CSMD3: variants seen among roughly 807,000 people sequenced by gnomAD.
The protein encoded by CSMD3 is CUB and sushi domain-containing protein 3.
In CSMD3, 177 loss-of-function variants were observed where a neutral mutation model predicts 435.2. The observed-to-expected ratio is 0.41, with a 90% CI of 0.36 to 0.46. CSMD3 has a LOEUF of 0.46. CSMD3 is among the 20% of genes least tolerant of loss of function. The pLI is 0.34. For synonymous variants in CSMD3, 1,656 were observed against 1,520.5 expected (o/e 1.09, Z -2.07); for missense variants, 4,265 against 4,504.6 (o/e 0.95, Z 1.52).
In CSMD3 at chr8:113,288,763, GA is replaced by G. The variant is rs201478440; in HGVS notation, c.402-10060del. 6.6e-5 allele frequency among the ~76,000 whole-genome samples: 10 copies of G among 150,650 alleles called. No homozygotes were observed. In the East Asian group the frequency reaches 1.6e-3, roughly 23 times the overall value. ...AGCTTGTATTTTAGAGTATACAATT[GA>G]AAAAAAAATTCATTCTGCTGCTTAT... On this transcript the variant is annotated intron_variant, in intron 2 of 70. Coordinates refer to ENST00000297405, the MANE Select transcript of CSMD3 (RefSeq NM_198123.2).
intron 4 of CSMD3, among the ~76,000 whole-genome samples, chr8:113,117,366 G>A (rs897867616): frequency 2.0e-5 from 3 of 152,176 alleles, no homozygotes; most frequent in South Asian, 4.1e-4. Context: ...GAGCCTGAGG[G>A]TACACAGAAG....
Position 112,782,990 on chromosome 8 carries a change from A to C in CSMD3, c.1972+17172T>G, listed in dbSNP as rs545109372. Among the ~76,000 whole-genome samples the C allele has an allele frequency of 2.6e-5, 4 of 152,194 alleles. No individual in the cohort carries two copies. The South Asian group carries it at 8.3e-4, about 32-fold the overall frequency. ...AAAAAAATGTTAATAAGTGATAAGC[A>C]TTTATATAAAGGTAAGACATTCACT... On this transcript the variant is annotated intron_variant, in intron 13 of 70. Coordinates refer to ENST00000297405, the MANE Select transcript of CSMD3 (RefSeq NM_198123.2).
At chr8:113,318,094 T>C (rs1430817405) in intron 1 of CSMD3, among the ~76,000 whole-genome samples, 1 of 152,176 alleles carries the variant, frequency 6.6e-6, no homozygotes, top group Non-Finnish European at 1.5e-5. Flanking sequence ...AGGGCATATA[T>C]CCTTGTGCAC....
intron 10 of CSMD3, among the ~76,000 whole-genome samples, chr8:112,888,002 C>G (rs529987998): frequency 1.3e-5 from 2 of 151,768 alleles, no homozygotes; most frequent in South Asian, 4.1e-4. Flanking sequence ...ATTTCCCCTA[C>G]GTACATATAT....
At chr8:113,127,996 G>C (rs2091183427) in intron 4 of CSMD3, among the ~76,000 whole-genome samples, 2 of 152,056 alleles carry the variant, frequency 1.3e-5, no homozygotes. Flanking sequence ...CATTGGGAAA[G>C]TTCTCTATTA....
chr8:112,667,248 C>G (rs1168772290), intron 16 of CSMD3, among the ~76,000 whole-genome samples: 2 of 152,110 alleles, frequency 1.3e-5, no homozygotes, highest in Non-Finnish European at 2.9e-5. Flanking sequence ...TTTTGCAAAA[C>G]AAAGCCTTAG....
chr8:113,413,776 GT>G (rs1417802958), intron 1 of CSMD3, among the ~76,000 whole-genome samples: 2 of 152,118 alleles, frequency 1.3e-5, no homozygotes, highest in African/African-American at 4.8e-5. Context: ...TGAAAAACTG[GT>G]AAGTGATGTA....
intron 28 of CSMD3, among the ~76,000 whole-genome samples, chr8:112,513,654 C>G (rs1186758545): frequency 1.3e-5 from 2 of 152,126 alleles, no homozygotes; most frequent in Non-Finnish European, 2.9e-5. Context: ...TCTATTAGGA[C>G]TTGCTTGGCA....
intron 3 of CSMD3, among the ~76,000 whole-genome samples, chr8:113,181,997 T>G (rs543946766): frequency 3.2e-4 from 49 of 152,192 alleles, no homozygotes; most frequent in African/African-American, 1.1e-3. Context: ...TCAACAAATA[T>G]GAAGACTGAG....
chr8:113,391,810 A>G, intron 1 of CSMD3, among the ~76,000 whole-genome samples: 1 of 151,966 alleles, frequency 6.6e-6, no homozygotes. Flanking sequence ...GGGGATGAAG[A>G]ACTAGAGGGG....
intron 27 of CSMD3, among the ~76,000 whole-genome samples, chr8:112,525,433 T>A: frequency 6.7e-6 from 1 of 150,288 alleles, no homozygotes; most frequent in Non-Finnish European, 1.5e-5. Flanking sequence ...AAAATAACTA[T>A]CAAAAGGCCG....
intron 27 of CSMD3, among the ~76,000 whole-genome samples, chr8:112,541,771 C>T (rs2131141184): frequency 6.6e-6 from 1 of 151,888 alleles, no homozygotes; most frequent in East Asian, 1.9e-4. Context: ...AAAAAAATTT[C>T]CAAATTAATT....
intron 54 of CSMD3, among the ~76,000 whole-genome samples, chr8:112,294,096 G>T (rs182031181): frequency 6.6e-6 from 1 of 151,912 alleles, no homozygotes; most frequent in Non-Finnish European, 1.5e-5. Flanking sequence ...CTTGGGGGGG[G>T]TGTAGGGGTG....
intron 3 of CSMD3, among the ~76,000 whole-genome samples, chr8:113,273,462 C>T (rs2093545997): frequency 6.6e-6 from 1 of 152,080 alleles, no homozygotes. Context: ...CTACAGGCCA[C>T]ACTAAGCAGC....
intron 35 of CSMD3, among the ~76,000 whole-genome samples, chr8:112,392,196 T>TAAATG (rs1830473274): frequency 6.6e-6 from 1 of 151,774 alleles, no homozygotes; most frequent in Non-Finnish European, 1.5e-5. Flanking sequence ...TTTGTCCTAG[T>TAAATG]ATGGCTATAA....
chr8:112,445,751 T>C (rs960742882), intron 32 of CSMD3, among the ~76,000 whole-genome samples: 2 of 152,266 alleles, frequency 1.3e-5, no homozygotes, highest in Non-Finnish European at 2.9e-5. Flanking sequence ...ATGAGATATA[T>C]GTGGTACAGC....
At chr8:113,189,329 T>C (rs560001797) in intron 3 of CSMD3, among the ~76,000 whole-genome samples, 12 of 151,904 alleles carry the variant, frequency 7.9e-5, no homozygotes, top group African/African-American at 2.9e-4. Flanking sequence ...TCTTTCCTCA[T>C]TCTATACTGT....
chr8:112,241,869 C>G, intron 65 of CSMD3, 84 bp from the exon 66 acceptor site: 1 of 867,148 alleles, frequency 1.2e-6, no homozygotes, highest in Non-Finnish European at 2.0e-6. Context: ...CACACACACA[C>G]ACAGTGTGAT....
chr8:113,357,327 T>G (rs2094237806), intron 1 of CSMD3, among the ~76,000 whole-genome samples: 1 of 152,178 alleles, frequency 6.6e-6, no homozygotes, highest in African/African-American at 2.4e-5. Context: ...TGAAGTAATT[T>G]TCTCCCAATC....
Sources: allele counts gnomAD v4.1 joint callset (sites outside exome capture counted in the v4.1 genomes callset), GRCh38; gene constraint gnomAD v4.1.1; transcripts MANE v1.5; gene names NCBI Gene and HGNC (gene_info 2026-07-23, HGNC 2026-07-21).